FNDC8: variants seen among roughly 807,000 people sequenced by gnomAD.
FNDC8 encodes the protein fibronectin type III domain-containing protein 8.
FNDC8 carries 23 observed loss-of-function variants against 24.8 expected under a neutral mutation model. That is an observed-to-expected ratio of 0.93 (90% CI 0.67 to 1.31). The LOEUF is 1.31. Ranked by LOEUF, FNDC8 falls within the 40% of genes most tolerant of loss-of-function variation. The pLI, the probability that FNDC8 is intolerant of heterozygous loss-of-function variation, is 0.00. For synonymous variants in FNDC8, 158 were observed against 165.3 expected, an observed-to-expected ratio of 0.96 and a Z score of 0.34; for missense variants, 371 against 398.2, an observed-to-expected ratio of 0.93 and a Z score of 0.58.
At position 35,121,831 on chromosome 17, in the gene FNDC8, T is replaced by C; in HGVS notation, c.138T>C (p.Thr46=). ...CCAAGTCTATGAACCGGACCGTCACTACCAAAGGACTCCCACTAGCCTCAA... is the reference window on the plus strand; with the variant it reads ...CCAAGTCTATGAACCGGACCGTCACCACCAAAGGACTCCCACTAGCCTCAA... ...SNPKSMNRTV[T]TKGLPLASKG... is the part of the protein sequence containing the mutation. The change falls in exon 1 of 4, where the codon ACT becomes ACC. Residue 46 remains threonine (T), a synonymous_variant. Coordinates refer to ENST00000158009, the MANE Select transcript of FNDC8 (RefSeq NM_017559.4). The C allele has an allele frequency of 6.2e-7, 1 of 1,613,732 alleles. No individual in the cohort carries two copies. The highest frequency in any genetic ancestry group is 8.5e-7 in the Non-Finnish European group (1 of 1,179,944).
At chr17:35,124,254 G>A (rs1397009239) in intron 1 of FNDC8, among the ~76,000 whole-genome samples, 1 of 152,226 alleles carries the variant, frequency 6.6e-6, no homozygotes, top group African/African-American at 2.4e-5. Flanking sequence ...AACTGGCTGG[G>A]TGCAGTGGCT....
chr17:35,124,887 A>G (rs2091843069), intron 1 of FNDC8, among the ~76,000 whole-genome samples: 1 of 151,778 alleles, frequency 6.6e-6, no homozygotes, highest in African/African-American at 2.4e-5. Context: ...ATCTCTACTA[A>G]AAATACAAAA....
intron 3 of FNDC8, 79 bp from the exon 4 acceptor site, chr17:35,130,203 A>G: frequency 6.5e-7 from 1 of 1,543,360 alleles, no homozygotes; most frequent in Non-Finnish European, 8.7e-7. Flanking sequence ...GACAGAAAAA[A>G]AAGGGGTGAT....
chr17:35,126,951 GCTGGTAAGTCAGGCCCAAGGCCTGCCCT>G, intron 1 of FNDC8, 63 bp from the exon 2 acceptor site: 2 of 1,473,638 alleles, frequency 1.4e-6, no homozygotes, highest in Non-Finnish European at 1.8e-6. Flanking sequence ...GGCTGGGGAT[GCTGGTAAGTCAGGCCCAAGGCCTGCCCT>G]CAGGTGGAAC....
chr17:35,129,678 G>A lies in FNDC8; in HGVS notation c.822+20G>A, dbSNP rs202177233. On this transcript the variant is annotated intron_variant, in intron 3 of 3. Coordinates refer to ENST00000158009, the MANE Select transcript of FNDC8 (RefSeq NM_017559.4). The stretch of plus-strand genomic sequence containing the variant: ...TACAAAGTGAGCCCTGGGAAAAGAG[G>A]GGCCTTGGGGGTGGAGAGAAGTCCA... 6.2e-7 allele frequency: 1 copy of A among 1,609,100 alleles called. No individual in the cohort carries two copies. Among genetic ancestry groups the A allele is most frequent in the African/African-American group, 1.3e-5 (1 of 74,794 alleles).
intron 1 of FNDC8, among the ~76,000 whole-genome samples, chr17:35,125,345 G>A (rs2091844981): frequency 6.7e-6 from 1 of 148,846 alleles, no homozygotes; most frequent in East Asian, 2.0e-4. Flanking sequence ...AGGTGGAGGT[G>A]GACGGATGGC....
In FNDC8 at chr17:35,121,827, T is replaced by C; in HGVS notation, c.134T>C (p.Val45Ala). Reference protein sequence around the residue: ...FSNPKSMNRTVTTKGLPLASK... With the variant: ...FSNPKSMNRTATTKGLPLASK... ...AACCCCAAGTCTATGAACCGGACCG[T>C]CACTACCAAAGGACTCCCACTAGCC... Residue 45 changes from valine (V) to alanine (A), a missense_variant, in exon 1 of 4, where the codon GTC becomes GCC. Transcript: ENST00000158009. 1 of 1,613,634 alleles carries C rather than the reference T, an allele frequency of 6.2e-7. No homozygotes were observed. The highest frequency in any genetic ancestry group is 1.3e-5 in the African/African-American group (1 of 74,844).
At chr17:35,129,028 T>TC in intron 2 of FNDC8, 1 of 193,314 alleles carries the variant, frequency 5.2e-6, no homozygotes, top group Non-Finnish European at 1.1e-5. Context: ...GAGGCAGAGC[T>TC]CAGGTGGTAC....
At chr17:35,122,405 T>G (rs1227023956) in intron 1 of FNDC8, among the ~76,000 whole-genome samples, 1 of 151,318 alleles carries the variant, frequency 6.6e-6, no homozygotes, top group African/African-American at 2.4e-5. Context: ...TTCCCTGACT[T>G]GTCACAACCC....
intron 2 of FNDC8, 150 bp downstream of exon 2, chr17:35,127,567 A>G: frequency 1.1e-6 from 1 of 938,820 alleles, no homozygotes; most frequent in Non-Finnish European, 1.5e-6. Flanking sequence ...TAAAAACTCC[A>G]GTGCAAGACA....
intron 2 of FNDC8, among the ~76,000 whole-genome samples, chr17:35,128,317 C>A (rs2091856871): frequency 6.6e-6 from 1 of 152,264 alleles, no homozygotes; most frequent in African/African-American, 2.4e-5. Context: ...CCTCCTGAGT[C>A]AGAAACTGTT....
intron 1 of FNDC8, among the ~76,000 whole-genome samples, chr17:35,125,660 T>C (rs898984237): frequency 6.6e-5 from 10 of 152,272 alleles, no homozygotes; most frequent in Admixed American, 4.6e-4. Context: ...AAGACACACA[T>C]TGAGTAATAA....
chr17:35,127,336 G>C lies in FNDC8; in HGVS notation c.504G>C (p.Thr168=). The C allele has an allele frequency of 1.9e-6, 3 of 1,610,238 alleles. No individual in the cohort carries two copies. Among genetic ancestry groups the C allele is most frequent in the Non-Finnish European group, 1.7e-6 (2 of 1,178,424 alleles). The change falls in exon 2 of 4, where the codon ACG becomes ACC. Residue 168 remains threonine, a synonymous_variant. Transcript: ENST00000158009. The part of the protein sequence containing the change: ...NPELETETSS[T]HSESSVVVDL... ...AGCTGGAGACAGAAACCTCCTCAAC[G>C]CACTCAGAATCTTCTGTGGTTGTGG... is the stretch of plus-strand genomic sequence containing the variant.
intron 1 of FNDC8, among the ~76,000 whole-genome samples, chr17:35,124,941 G>A (rs1322064759): frequency 2.6e-5 from 4 of 151,726 alleles, no homozygotes; most frequent in Admixed American, 6.6e-5. Flanking sequence ...CCAGCTACTC[G>A]GGAGGCTGAG....
In FNDC8 at chr17:35,130,515, A is replaced by G; in HGVS notation, c.*81A>G. ...AGAAACCAGAGCCATGAGACCTACC[A>G]TACCACCAGCACCCTGCGGGCCCGG... On this transcript the variant is annotated 3_prime_UTR_variant, in exon 4 of 4. Coordinates refer to ENST00000158009, the MANE Select transcript of FNDC8 (RefSeq NM_017559.4). The G allele has an allele frequency of 6.9e-7, 1 of 1,445,218 alleles. No individual in the cohort carries two copies. The highest frequency in any genetic ancestry group is 1.2e-5 in the South Asian group (1 of 80,196). The allele number at this position is 1,445,218 out of a possible 1,614,324, so 89.5% of individuals were successfully genotyped here.
intron 1 of FNDC8, 133 bp from the exon 2 acceptor site, chr17:35,126,909 A>G (rs1051780647): frequency 3.7e-6 from 4 of 1,095,840 alleles, no homozygotes; most frequent in Non-Finnish European, 5.2e-6. Context: ...AATGCTATAG[A>G]GCAATGAGGC....
At chr17:35,122,173 T>TATAC (rs1327141791) in intron 1 of FNDC8, among the ~76,000 whole-genome samples, 2 of 26,982 alleles carry the variant, frequency 7.4e-5, no homozygotes, top group East Asian at 2.6e-3. Flanking sequence ...TATATATATA[T>TATAC]ATATATATAT....
Position 35,127,288 on chromosome 17 carries a change from C to G in FNDC8, c.456C>G (p.Gly152=). The G allele has an allele frequency of 6.2e-7, 1 of 1,614,046 alleles. No individual in the cohort carries two copies. Among genetic ancestry groups the G allele is most frequent in the Non-Finnish European group, 8.5e-7 (1 of 1,179,960 alleles). ...CPSKSQMATR[G]LLDLDNPELE... The stretch of plus-strand genomic sequence containing the variant: ...CGAAGTCCCAGATGGCCACAAGGGG[C>G]CTGCTGGACCTTGACAACCCTGAGC... Residue 152 remains glycine (G), a synonymous_variant, in exon 2 of 4, where the codon GGC becomes GGG. Coordinates refer to ENST00000158009, the MANE Select transcript of FNDC8 (RefSeq NM_017559.4).
rs2091869797 is a variant in FNDC8 at position 35,130,392 on chromosome 17, G to C, written c.933G>C (p.Glu311Asp). The C allele has an allele frequency of 6.2e-7, 1 of 1,614,000 alleles. No homozygotes were observed. Among genetic ancestry groups the C allele is most frequent in the African/African-American group, 1.3e-5 (1 of 74,916 alleles). ...RQKIVSIGPEEMRRLEDLEYL... is the reference protein window; with the variant it reads ...RQKIVSIGPEDMRRLEDLEYL... The stretch of plus-strand genomic sequence containing the variant: ...AGATCGTGTCCATCGGGCCGGAGGA[G>C]ATGCGGAGGCTGGAGGATCTGGAAT... The change falls in exon 4 of 4, where the codon GAG (glutamate) becomes GAC (aspartate). Residue 311 changes from glutamate (E) to aspartate (D), a missense_variant. Transcript: ENST00000158009.
Sources: allele counts gnomAD v4.1 joint callset (sites outside exome capture counted in the v4.1 genomes callset), GRCh38; gene constraint gnomAD v4.1.1; transcripts MANE v1.5; gene names NCBI Gene and HGNC (gene_info 2026-07-23, HGNC 2026-07-21).